The following MAML2 variants were observed in gnomAD, a reference collection of about 807,000 sequenced individuals.
MAML2 encodes mastermind like transcriptional coactivator 2, also known as mastermind-like protein 2.
In MAML2, 22 loss-of-function variants were observed where a neutral mutation model predicts 96.1. The observed-to-expected ratio is 0.23, with a 90% CI of 0.16 to 0.33. The LOEUF (loss-of-function observed/expected upper bound fraction) is 0.33, where lower values mean the gene tolerates loss of function less well. MAML2 is among the 10% of genes least tolerant of loss of function. The pLI is 1.00. For missense variants in MAML2, 1,367 were observed against 1,392.4 expected (o/e 0.98, Z 0.29); for synonymous variants, 561 against 521.3 (o/e 1.08, Z -1.04).
chr11:96,289,811 A>G (rs56315948), intron 1 of MAML2, among the ~76,000 whole-genome samples: 4,392 of 151,884 alleles, frequency 0.029, 79 homozygotes, highest in South Asian at 0.049. Context: ...TCATACATTC[A>G]AAGGGGCAGA....
Position 96,092,459 on chromosome 11 carries a change from C to T in MAML2, c.1572G>A (p.Gly524=), listed in dbSNP as rs373817562. ...MYKAGPSAQG[G]HLDVLMQQKP... Reference sequence around the variant, plus strand: ...TTTGCTGCATGAGGACATCTAGGTGCCCACCCTGGGCTGAGGGGCCGGCCT... The same window carrying T: ...TTTGCTGCATGAGGACATCTAGGTGTCCACCCTGGGCTGAGGGGCCGGCCT... The change falls in exon 2 of 5, where the codon GGG becomes GGA. Residue 524 remains glycine, a synonymous_variant. Coordinates refer to ENST00000524717, the MANE Select transcript of MAML2 (RefSeq NM_032427.4). The surrounding 1 kb of genome is among the most constrained non-coding windows in gnomAD (Gnocchi z 4.1). 3.7e-6 allele frequency: 6 copies of T among 1,612,568 alleles called. No homozygotes were observed. The African/African-American group carries it at 8.0e-5, about 22-fold the overall frequency.
chr11:96,177,302 T>C (rs928435159), intron 1 of MAML2, among the ~76,000 whole-genome samples: 3 of 152,216 alleles, frequency 2.0e-5, no homozygotes, highest in Non-Finnish European at 2.9e-5. Context: ...TAATAGAATG[T>C]GACTGTCAAT....
chr11:96,312,238 A>AAAAAAAAAAAAAAAAAAAAAAAAAC (rs1863553175), intron 1 of MAML2, among the ~76,000 whole-genome samples: 1 of 150,532 alleles, frequency 6.6e-6, no homozygotes, highest in Non-Finnish European at 1.5e-5. Flanking sequence ...AAAAAAAAAA[A>AAAAAAAAAAAAAAAAAAAAAAAAAC]AAAAAAGAAT....
intron 1 of MAML2, among the ~76,000 whole-genome samples, chr11:96,243,659 T>TC (rs1410608467): frequency 4.7e-5 from 7 of 149,970 alleles, no homozygotes; most frequent in Non-Finnish European, 8.9e-5. Flanking sequence ...CTTTTTCTTT[T>TC]TTTTTTTTTT....
chr11:95,991,502 A>G lies in MAML2; in HGVS notation c.2343+18T>C, dbSNP rs1181878405. ...GGGTCAACAGGTTTGTTCAGTAGAA[A>G]TTAAGAGAAAGTTTTACCGCGTCAG... is the stretch of plus-strand genomic sequence containing the variant. On this transcript the variant is annotated intron_variant, in intron 3 of 4. Coordinates refer to ENST00000524717, the MANE Select transcript of MAML2 (RefSeq NM_032427.4). 1 of 1,612,494 alleles carries G rather than the reference A, an allele frequency of 6.2e-7. No individual in the cohort carries two copies. Among genetic ancestry groups the G allele is most frequent in the Non-Finnish European group, 8.5e-7 (1 of 1,178,654 alleles).
intron 1 of MAML2, among the ~76,000 whole-genome samples, chr11:96,131,416 T>C (rs997196539): frequency 2.3e-4 from 35 of 152,264 alleles, no homozygotes; most frequent in African/African-American, 7.9e-4. Flanking sequence ...TACAACACTA[T>C]AAACCAAGTA....
At chr11:96,184,371 C>T (rs1433325341) in intron 1 of MAML2, among the ~76,000 whole-genome samples, 2 of 151,712 alleles carry the variant, frequency 1.3e-5, no homozygotes, top group Non-Finnish European at 2.9e-5. Context: ...ACCCAGGAGG[C>T]AGAAGTTTCA....
chr11:96,213,418 T>C (rs1200067978), intron 1 of MAML2, among the ~76,000 whole-genome samples: 1 of 152,344 alleles, frequency 6.6e-6, no homozygotes, highest in Admixed American at 6.5e-5. Context: ...GTAATTACAT[T>C]ACATTAACAA....
intron 1 of MAML2, among the ~76,000 whole-genome samples, chr11:96,230,508 T>C (rs1012196129): frequency 6.6e-6 from 1 of 152,228 alleles, no homozygotes; most frequent in African/African-American, 2.4e-5. Context: ...AACTACTTTA[T>C]AGCATCCTAT....
chr11:96,142,519 A>G (rs1860751545), intron 1 of MAML2, among the ~76,000 whole-genome samples: 1 of 152,206 alleles, frequency 6.6e-6, no homozygotes, highest in African/African-American at 2.4e-5. Flanking sequence ...CATAACCCTC[A>G]GGTTCCAGTA....
chr11:96,273,124 A>G (rs1565269175), intron 1 of MAML2, among the ~76,000 whole-genome samples: 2 of 152,204 alleles, frequency 1.3e-5, no homozygotes, highest in Admixed American at 6.5e-5. Flanking sequence ...GTTACCATGG[A>G]AACAAGAGGA....
intron 2 of MAML2, among the ~76,000 whole-genome samples, chr11:96,033,485 C>T (rs779029629): frequency 2.6e-5 from 4 of 152,222 alleles, no homozygotes; most frequent in Non-Finnish European, 5.9e-5. Flanking sequence ...AGTTTCAAGT[C>T]TGTAAGTCCT....
intron 1 of MAML2, among the ~76,000 whole-genome samples, chr11:96,219,608 C>A (rs1862101682): frequency 6.6e-6 from 1 of 152,074 alleles, no homozygotes; most frequent in South Asian, 2.1e-4. Context: ...GAACAAACAT[C>A]TTTTCTGAGT....
chr11:96,173,284 G>A (rs559936783), intron 1 of MAML2, among the ~76,000 whole-genome samples: 1 of 152,294 alleles, frequency 6.6e-6, no homozygotes, highest in African/African-American at 2.4e-5. Context: ...ATGACAGGAA[G>A]CAAGAAAGAA....
At chr11:95,987,186 G>T (rs942148071) in intron 3 of MAML2, among the ~76,000 whole-genome samples, 1 of 152,104 alleles carries the variant, frequency 6.6e-6, no homozygotes, top group Non-Finnish European at 1.5e-5. Flanking sequence ...AACAGAGGGG[G>T]GTGTTTGGTG....
intron 1 of MAML2, among the ~76,000 whole-genome samples, chr11:96,292,909 G>T (rs579807): frequency 0.26 from 40,010 of 151,384 alleles, 5,328 homozygotes; most frequent in East Asian, 0.32. Flanking sequence ...CACAAAAGAG[G>T]CATATGTAGG....
chr11:96,064,292 G>T (rs925712025), intron 2 of MAML2, among the ~76,000 whole-genome samples: 7 of 152,286 alleles, frequency 4.6e-5, no homozygotes, highest in African/African-American at 1.7e-4. Context: ...GGAAGCAAAA[G>T]CTAGGTGGCC....
intron 1 of MAML2, among the ~76,000 whole-genome samples, chr11:96,317,416 C>T (rs546028698): frequency 6.6e-6 from 1 of 152,304 alleles, no homozygotes; most frequent in South Asian, 2.1e-4. Flanking sequence ...TCCAAAAGAG[C>T]CACACATTTC....
Position 96,343,161 on chromosome 11 carries a change from T to G in MAML2, c.-1266A>C. 1 of 394,594 alleles carries G rather than the reference T, an allele frequency of 2.5e-6. No homozygotes were observed. Among genetic ancestry groups the G allele is most frequent in the Non-Finnish European group, 4.4e-6 (1 of 225,034 alleles). The allele number at this position is 394,594 out of a possible 1,614,324, so 24.4% of individuals were successfully genotyped here. On this transcript the variant is annotated 5_prime_UTR_variant, in exon 1 of 5. Coordinates refer to ENST00000524717, the MANE Select transcript of MAML2 (RefSeq NM_032427.4). ...CACGGCGATACACAGGCTTTCATTG[T>G]GCTCCGATAGGAGAGGGAGAGAAAG...
Sources: allele counts gnomAD v4.1 joint callset (sites outside exome capture counted in the v4.1 genomes callset), GRCh38; gene constraint gnomAD v4.1.1; non-coding constraint Gnocchi (gnomAD v3.1); transcripts MANE v1.5; gene names NCBI Gene and HGNC (gene_info 2026-07-23, HGNC 2026-07-21).